RANBP2: variants seen among roughly 807,000 people sequenced by gnomAD.
RANBP2 encodes the protein RAN binding protein 2.
In RANBP2, 57 loss-of-function variants were observed where a neutral mutation model predicts 303.6. That is an observed-to-expected ratio of 0.19 (90% confidence interval 0.15 to 0.23). RANBP2 has a LOEUF of 0.23. Among genes scored for constraint, RANBP2 ranks in the 10% least tolerant of loss-of-function variants. RANBP2 has a pLI of 1.00. For synonymous variants in RANBP2, 1,167 were observed against 1,301.5 expected (o/e 0.90, Z 2.23); for missense variants, 3,138 against 3,780.8 (o/e 0.83, Z 4.46).
the RANBP2 span, among the ~76,000 whole-genome samples, chr2:109,184,336 G>A: frequency 5.9e-5 from 9 of 152,292 alleles, no homozygotes; most frequent in South Asian, 2.1e-4. Flanking sequence ...AAAATAAGAC[G>A]TTTATCGCAC....
rs141258840 is a variant in RANBP2 at position 108,775,923 on chromosome 2, T to A, written c.8484T>A (p.Asp2828Glu). ...DLSTRKEIDTDSTSQGESKIV... is the reference protein window; with the variant it reads ...DLSTRKEIDTESTSQGESKIV... ...CAACTAGAAAGGAAATTGATACAGA[T>A]TCTACAAGCCAAGGTAAATCTTGAT... The change falls in exon 24 of 29, where the codon GAT becomes GAA. Residue 2828 changes from aspartate to glutamate, a missense_variant. Around this residue, in one of 20 missense-constraint regions of RANBP2, gnomAD observed 497 missense variants for 465.8 expected, o/e 1.07. Transcript: ENST00000283195. 294 of 1,609,944 alleles carry A rather than the reference T, an allele frequency of 1.8e-4. No homozygotes were observed. The highest frequency in any genetic ancestry group is 2.4e-4 in the Non-Finnish European group (283 of 1,179,570).
chr2:109,395,253 G>A, the RANBP2 span, among the ~76,000 whole-genome samples: 1 of 152,136 alleles, frequency 6.6e-6, no homozygotes, highest in Non-Finnish European at 1.5e-5. Context: ...TGTGTGTAGA[G>A]ATGCATCTGC....
the RANBP2 span, among the ~76,000 whole-genome samples, chr2:109,132,983 T>C: frequency 6.6e-6 from 1 of 152,256 alleles, no homozygotes; most frequent in Non-Finnish European, 1.5e-5. Flanking sequence ...CCTTGACTTA[T>C]ATTTGAGCCT....
the RANBP2 span, among the ~76,000 whole-genome samples, chr2:109,658,172 G>C: frequency 6.6e-6 from 1 of 152,120 alleles, no homozygotes; most frequent in East Asian, 1.9e-4. Flanking sequence ...AAATCAGCCG[G>C]GGCGGTGGCT....
chr2:109,001,214 G>A, the RANBP2 span, among the ~76,000 whole-genome samples: 2 of 152,192 alleles, frequency 1.3e-5, no homozygotes, highest in African/African-American at 4.8e-5. Context: ...TCACTCCTGA[G>A]GCTGAGCTCC....
the RANBP2 span, among the ~76,000 whole-genome samples, chr2:109,365,185 C>A: frequency 2.6e-5 from 4 of 152,326 alleles, no homozygotes; most frequent in East Asian, 7.7e-4. Flanking sequence ...TCCCCTCCCC[C>A]TGCCAGAAGC....
At chr2:108,916,753 C>T in the RANBP2 span, among the ~76,000 whole-genome samples, 1 of 152,130 alleles carries the variant, frequency 6.6e-6, no homozygotes, top group African/African-American at 2.4e-5. Flanking sequence ...GACATTTCTC[C>T]AGAGCTCAGC....
At chr2:109,710,900 A>T in the RANBP2 span, among the ~76,000 whole-genome samples, 5 of 152,166 alleles carry the variant, frequency 3.3e-5, no homozygotes, top group African/African-American at 9.6e-5. Flanking sequence ...CATAATAGGA[A>T]GGGGATTCAG....
the RANBP2 span, among the ~76,000 whole-genome samples, chr2:108,934,499 G>C: frequency 2.6e-5 from 4 of 152,202 alleles, no homozygotes; most frequent in East Asian, 7.7e-4. Context: ...GATGGGGAGA[G>C]GGAGCACCTG....
At chr2:109,410,409 C>T in the RANBP2 span, among the ~76,000 whole-genome samples, 7 of 152,214 alleles carry the variant, frequency 4.6e-5, no homozygotes, top group African/African-American at 1.7e-4. Context: ...GACCTCGGTG[C>T]GGAGGGCCCC....
At chr2:109,561,312 C>A in the RANBP2 span, among the ~76,000 whole-genome samples, 1 of 152,086 alleles carries the variant, frequency 6.6e-6, no homozygotes, top group East Asian at 1.9e-4. Context: ...AGAAAGTCTT[C>A]CCGAATTTTC....
chr2:109,467,692 C>T, the RANBP2 span, among the ~76,000 whole-genome samples: 1 of 152,228 alleles, frequency 6.6e-6, no homozygotes, highest in African/African-American at 2.4e-5. Flanking sequence ...GAAGAGAGGA[C>T]GAGCATGATT....
the RANBP2 span, among the ~76,000 whole-genome samples, chr2:109,709,823 C>T: frequency 6.6e-6 from 1 of 152,198 alleles, no homozygotes; most frequent in African/African-American, 2.4e-5. Flanking sequence ...CACGGTGGCT[C>T]ACGCTTGTAA....
the RANBP2 span, among the ~76,000 whole-genome samples, chr2:109,199,836 A>G: frequency 6.6e-6 from 1 of 151,716 alleles, no homozygotes. Context: ...ATGGAATGGA[A>G]TGGAATGGAA....
the RANBP2 span, chr2:109,129,151 C>G: frequency 2.4e-6 from 1 of 409,126 alleles, no homozygotes; most frequent in South Asian, 1.8e-5. Flanking sequence ...CCTGGCCGGC[C>G]GCTGCCCGCA....
chr2:108,963,800 T>C, the RANBP2 span, among the ~76,000 whole-genome samples: 2 of 152,202 alleles, frequency 1.3e-5, no homozygotes, highest in African/African-American at 4.8e-5. Context: ...CTTCCATCTG[T>C]AGACTCTGCC....
chr2:109,551,810 T>A, the RANBP2 span, among the ~76,000 whole-genome samples: 4 of 152,250 alleles, frequency 2.6e-5, no homozygotes, highest in African/African-American at 9.6e-5. Context: ...CAAGAAATCA[T>A]GTATTTTCAA....
the RANBP2 span, among the ~76,000 whole-genome samples, chr2:108,809,592 T>C: frequency 5.3e-5 from 8 of 152,140 alleles, no homozygotes; most frequent in Non-Finnish European, 1.0e-4. Context: ...TTTGTAGCCA[T>C]TGTAAACAGG....
the RANBP2 span, among the ~76,000 whole-genome samples, chr2:108,793,350 A>AACAACAAAAAAACACTGACCG: frequency 2.0e-5 from 3 of 152,154 alleles, no homozygotes; most frequent in African/African-American, 7.2e-5. Context: ...AAAACAAAAC[A>AACAACAAAAAAACACTGACCG]ACAACAAAAA....
Sources: gnomAD v4.1 joint callset for allele counts (sites outside exome capture counted in the v4.1 genomes callset) on GRCh38, gnomAD v4.1.1 for gene constraint, gnomAD v4.1.1 regional missense constraint, MANE v1.5 for transcripts, NCBI Gene and HGNC (gene_info 2026-07-23, HGNC 2026-07-21) for gene names.